The following ROR2 variants were observed in gnomAD, a reference collection of about 807,000 sequenced individuals.
ROR2 encodes ROR family WNT receptor 2.
A neutral mutation model predicts 74.9 loss-of-function variants in ROR2; 33 were observed. The observed-to-expected ratio is 0.44, with a 90% CI of 0.33 to 0.59. The LOEUF is 0.59. ROR2 is among the 20% of genes least tolerant of loss of function. The probability of loss-of-function intolerance (pLI) is 0.02; values close to 1 mark genes in which losing one functional copy is unlikely to be tolerated. For synonymous variants in ROR2, 586 were observed against 558.7 expected, an observed-to-expected ratio of 1.05 and a Z score of -0.69; for missense variants, 1,216 against 1,313.8, an observed-to-expected ratio of 0.93 and a Z score of 1.15.
intron 4 of ROR2, among the ~76,000 whole-genome samples, chr9:91,750,200 C>T (rs182282804): frequency 3.3e-5 from 5 of 152,292 alleles, no homozygotes; most frequent in Admixed American, 3.3e-4. Context: ...CTGCACCCGG[C>T]CGAAAAACAC....
At chr9:91,932,668 A>AG (rs952078945) in intron 1 of ROR2, among the ~76,000 whole-genome samples, 4 of 152,122 alleles carry the variant, frequency 2.6e-5, no homozygotes, top group African/African-American at 9.6e-5. Flanking sequence ...TCTCAAAAAA[A>AG]AAAAAGAAAG....
chr9:91,933,172 C>T (rs1179960301), intron 1 of ROR2, among the ~76,000 whole-genome samples: 1 of 152,016 alleles, frequency 6.6e-6, no homozygotes, highest in East Asian at 1.9e-4. Flanking sequence ...AAAAATTAGC[C>T]GGGCATGGTG....
intron 1 of ROR2, among the ~76,000 whole-genome samples, chr9:91,938,976 C>T (rs912637849): frequency 3.9e-5 from 6 of 152,160 alleles, no homozygotes; most frequent in East Asian, 1.9e-4. Context: ...AGTGGCCAGG[C>T]GCAGTGGCTC....
At chr9:91,946,232 C>G (rs1832010545) in intron 1 of ROR2, among the ~76,000 whole-genome samples, 3 of 152,222 alleles carry the variant, frequency 2.0e-5, no homozygotes, top group Admixed American at 2.0e-4. Flanking sequence ...CCCCTGGTTT[C>G]TTTACTTTGA....
intron 4 of ROR2, among the ~76,000 whole-genome samples, chr9:91,743,824 C>G (rs2118770081): frequency 6.6e-6 from 1 of 152,290 alleles, no homozygotes; most frequent in South Asian, 2.1e-4. Flanking sequence ...ATAAACCTAA[C>G]AAAAGATGTC....
intron 1 of ROR2, among the ~76,000 whole-genome samples, chr9:91,799,993 C>A (rs1013081445): frequency 2.0e-5 from 3 of 152,212 alleles, no homozygotes; most frequent in African/African-American, 4.8e-5. Context: ...GCCTTACTTT[C>A]CTTTTTTGTG....
chr9:91,854,230 G>A (rs1205373206), intron 1 of ROR2, among the ~76,000 whole-genome samples: 1 of 152,202 alleles, frequency 6.6e-6, no homozygotes, highest in Admixed American at 6.5e-5. Flanking sequence ...GGGATGCACT[G>A]GCTCCCAGCA....
At chr9:91,812,302 G>A (rs1025631306) in intron 1 of ROR2, among the ~76,000 whole-genome samples, 33 of 151,988 alleles carry the variant, frequency 2.2e-4, no homozygotes, top group African/African-American at 6.5e-4. Context: ...GAAAACGGGC[G>A]GATTTAGCAA....
At position 91,927,707 on chromosome 9, in the gene ROR2, G is replaced by A. The variant is rs981517884; in HGVS notation, c.97+22160C>T. Among the ~76,000 whole-genome samples, 5 of 151,952 alleles carry A rather than the reference G, an allele frequency of 3.3e-5. No individual in the cohort carries two copies. In the East Asian group the frequency reaches 9.7e-4, roughly 29 times the overall value. On this transcript the variant is annotated intron_variant, in intron 1 of 8. Coordinates refer to ENST00000375708, the MANE Select transcript of ROR2 (RefSeq NM_004560.4). ...GCCTCCCAAGTAGCTAGGATTACAG[G>A]TGCATGCCACCACACTTGGCTAATT...
At chr9:91,761,663 C>T (rs1825918867) in intron 2 of ROR2, among the ~76,000 whole-genome samples, 2 of 152,200 alleles carry the variant, frequency 1.3e-5, no homozygotes, top group Admixed American at 1.3e-4. Flanking sequence ...AGCCCAGTTC[C>T]TAACAGGCCA....
intron 1 of ROR2, among the ~76,000 whole-genome samples, chr9:91,836,130 C>G (rs1228436502): frequency 6.6e-6 from 1 of 152,166 alleles, no homozygotes; most frequent in Non-Finnish European, 1.5e-5. Context: ...TCTCTGTGGC[C>G]TCCTTCTTTC....
chr9:91,734,982 T>A (rs1824973790), intron 5 of ROR2, among the ~76,000 whole-genome samples: 2 of 151,942 alleles, frequency 1.3e-5, no homozygotes, highest in Admixed American at 1.3e-4. Context: ...TTCAATCCCA[T>A]CATTACAGAT....
rs759133053 is a variant in ROR2 at position 91,730,890 on chromosome 9, A to C, written c.1183+20T>G. 10 of 1,614,008 alleles carry C rather than the reference A, an allele frequency of 6.2e-6. No individual in the cohort carries two copies. The highest frequency in any genetic ancestry group is 1.6e-4 in the Middle Eastern group (1 of 6,062). Reference sequence around the variant, plus strand: ...CACTCAACAATCAACACATTAAAAAAAGAGAGAGAGAATACATACTACACG... The same window carrying C: ...CACTCAACAATCAACACATTAAAAACAGAGAGAGAGAATACATACTACACG... On this transcript the variant is annotated intron_variant, in intron 7 of 8. Coordinates refer to ENST00000375708, the MANE Select transcript of ROR2 (RefSeq NM_004560.4).
intron 1 of ROR2, among the ~76,000 whole-genome samples, chr9:91,778,812 G>A (rs1047366959): frequency 1.3e-5 from 2 of 152,186 alleles, no homozygotes; most frequent in Non-Finnish European, 2.9e-5. Flanking sequence ...TCACAGAGTG[G>A]CGAGGTGAAG....
intron 1 of ROR2, among the ~76,000 whole-genome samples, chr9:91,780,236 G>C (rs557617591): frequency 6.6e-6 from 1 of 152,226 alleles, no homozygotes; most frequent in Admixed American, 6.5e-5. Flanking sequence ...AATTAGCCGG[G>C]CATGGTGGCA....
chr9:91,817,320 G>A (rs1004787367), intron 1 of ROR2, among the ~76,000 whole-genome samples: 5 of 152,260 alleles, frequency 3.3e-5, no homozygotes, highest in African/African-American at 1.2e-4. Context: ...AGGAAGGCAG[G>A]AGACCTTCGT....
chr9:91,819,644 T>C (rs1403476681), intron 1 of ROR2, among the ~76,000 whole-genome samples: 3 of 28,634 alleles, frequency 1.0e-4, no homozygotes, highest in Non-Finnish European at 2.3e-4. Context: ...GGTGTGTTTC[T>C]GTGTTCTCTG....
At chr9:91,841,197 T>C (rs554940846) in intron 1 of ROR2, among the ~76,000 whole-genome samples, 1 of 152,352 alleles carries the variant, frequency 6.6e-6, no homozygotes, top group Non-Finnish European at 1.5e-5. Context: ...TCTGCACGGA[T>C]GACCTGGAAC....
At chr9:91,776,507 C>T (rs1340568632) in intron 1 of ROR2, among the ~76,000 whole-genome samples, 1 of 152,194 alleles carries the variant, frequency 6.6e-6, no homozygotes, top group Non-Finnish European at 1.5e-5. Context: ...GGCAATCCTA[C>T]CATTCTTCCT....
Sources: allele counts gnomAD v4.1 joint callset (sites outside exome capture counted in the v4.1 genomes callset), GRCh38; gene constraint gnomAD v4.1.1; transcripts MANE v1.5; gene names NCBI Gene and HGNC (gene_info 2026-07-23, HGNC 2026-07-21).